Variants in IQCE observed in about 807,000 individuals in gnomAD.
The protein encoded by IQCE is IQ motif containing E, also known as IQ domain-containing protein E.
In IQCE, 115 loss-of-function variants were observed where a neutral mutation model predicts 96.0. The observed-to-expected ratio is 1.20, with a 90% confidence interval of 1.03 to 1.40. IQCE has a LOEUF of 1.40. Ranked by LOEUF, IQCE falls within the 40% of genes most tolerant of loss-of-function variation. The pLI, the probability that IQCE is intolerant of heterozygous loss-of-function variation, is 0.00. For missense variants in IQCE, 1,041 were observed against 909.1 expected (o/e 1.15, Z -1.87); for synonymous variants, 412 against 371.2 (o/e 1.11, Z -1.26).
At chr7:2,592,737 C>G (rs534829794) in intron 14 of IQCE, among the ~76,000 whole-genome samples, 50 of 152,360 alleles carry the variant, frequency 3.3e-4, no homozygotes, top group Non-Finnish European at 1.9e-4. Flanking sequence ...CAATGAGTGG[C>G]GGCTGGAGGG....
chr7:2,578,229 T>C lies in IQCE; in HGVS notation c.466-13T>C, dbSNP rs528022421. 4.4e-5 allele frequency: 71 copies of C among 1,603,754 alleles called. No individual in the cohort carries two copies. Among genetic ancestry groups the C allele is most frequent in the Non-Finnish European group, 6.1e-5 (71 of 1,170,984 alleles). ...TCGTGTGGATGGCTGTGCATGGCCC[T>C]TGTTTTCTTCAGTCATTGCACGTGC... On this transcript the variant is annotated splice_polypyrimidine_tract_variant and intron_variant, in intron 6 of 21. Coordinates refer to ENST00000402050, the MANE Select transcript of IQCE (RefSeq NM_152558.5).
At position 2,583,627 on chromosome 7, in the gene IQCE, G is replaced by A. The variant is rs764967551; in HGVS notation, c.702-10G>A. ...GCACATCCCTATTAACGCTGAACTT[G>A]GGTTTTCAGCAAACTCCAGACCGAT... On this transcript the variant is annotated splice_polypyrimidine_tract_variant and intron_variant, in intron 9 of 21. Coordinates refer to ENST00000402050, the MANE Select transcript of IQCE (RefSeq NM_152558.5). 3.8e-6 allele frequency: 6 copies of A among 1,591,266 alleles called. No homozygotes were observed. In the Admixed American group the frequency reaches 1.0e-4, roughly 27 times the overall value.
At position 2,610,273 on chromosome 7, in the gene IQCE, A is replaced by G. The variant is rs1212535576; in HGVS notation, c.*111A>G. On this transcript the variant is annotated 3_prime_UTR_variant, in exon 22 of 22. Transcript: ENST00000402050. ...AGAAGAACGATGATACCTACTTAACACCTCAGCATCTGCGTCGTGTCTCTT... is the reference window on the plus strand; with the variant it reads ...AGAAGAACGATGATACCTACTTAACGCCTCAGCATCTGCGTCGTGTCTCTT... 2.8e-6 allele frequency: 2 copies of G among 719,918 alleles called. No individual in the cohort carries two copies. The highest frequency in any genetic ancestry group is 5.1e-6 in the Non-Finnish European group (2 of 395,934). The allele number at this position is 719,918 out of a possible 1,614,324, so 44.6% of individuals were successfully genotyped here. A position where few individuals can be genotyped will look rare whatever the true frequency, so the allele number is the denominator to read the frequency against.
At chr7:2,583,752 T>G (rs1583447321) in intron 10 of IQCE, 43 bp downstream of exon 10, 1 of 641,246 alleles carries the variant, frequency 1.6e-6, no homozygotes, top group Non-Finnish European at 2.3e-6. Flanking sequence ...GGCACCGAGC[T>G]GGGCGGCGGG....
intron 2 of IQCE, among the ~76,000 whole-genome samples, chr7:2,568,018 G>A (rs2128432731): frequency 6.6e-6 from 1 of 152,332 alleles, no homozygotes; most frequent in Non-Finnish European, 1.5e-5. Flanking sequence ...CCTGGCCGCG[G>A]TAGCCTTATC....
intron 21 of IQCE, among the ~76,000 whole-genome samples, chr7:2,608,305 C>T (rs192799097): frequency 1.3e-5 from 2 of 152,302 alleles, no homozygotes; most frequent in African/African-American, 2.4e-5. Context: ...TTTTGAGGCC[C>T]GCATCAGACC....
chr7:2,574,106 C>T (rs979299807), intron 6 of IQCE, among the ~76,000 whole-genome samples: 5 of 152,258 alleles, frequency 3.3e-5, no homozygotes, highest in Non-Finnish European at 7.3e-5. Flanking sequence ...GTCATTGTCA[C>T]TGCCACCAGC....
At chr7:2,582,531 C>A in intron 8 of IQCE, 49 bp from the exon 9 acceptor site, 1 of 1,539,280 alleles carries the variant, frequency 6.5e-7, no homozygotes, top group Non-Finnish European at 9.0e-7. Flanking sequence ...GCCGCTTCTA[C>A]TGAGGGAGAG....
intron 1 of IQCE, among the ~76,000 whole-genome samples, chr7:2,561,068 C>T (rs1399641271): frequency 2.9e-5 from 3 of 102,482 alleles, no homozygotes; most frequent in Non-Finnish European, 5.6e-5. Flanking sequence ...AAGGATTCTC[C>T]TGCCTCAGCC....
chr7:2,601,531 T>A (rs1784433252), intron 18 of IQCE, 67 bp downstream of exon 18: 1 of 1,073,818 alleles, frequency 9.3e-7, no homozygotes, highest in Admixed American at 1.7e-5. Context: ...GGTGAGGGGA[T>A]ATTTAAAGAT....
At chr7:2,567,296 C>A in intron 2 of IQCE, 133 bp downstream of exon 2, 1 of 739,524 alleles carries the variant, frequency 1.4e-6, no homozygotes. Context: ...TCCGAATGCT[C>A]CTTGGTGTTT....
chr7:2,560,074 C>G (rs1462141159), intron 1 of IQCE, among the ~76,000 whole-genome samples: 1 of 152,102 alleles, frequency 6.6e-6, no homozygotes. Flanking sequence ...GTGGGAGGAT[C>G]GCTTGAGCCC....
At chr7:2,568,015 G>A (rs924855638) in intron 2 of IQCE, among the ~76,000 whole-genome samples, 6 of 152,208 alleles carry the variant, frequency 3.9e-5, no homozygotes, top group Non-Finnish European at 5.9e-5. Flanking sequence ...AGACCTGGCC[G>A]CGGTAGCCTT....
At chr7:2,601,161 A>C (rs1282279875) in intron 17 of IQCE, among the ~76,000 whole-genome samples, 2 of 152,246 alleles carry the variant, frequency 1.3e-5, no homozygotes, top group African/African-American at 2.4e-5. Context: ...CTGCACAGCC[A>C]GGGGACTGGC....
Position 2,563,893 on chromosome 7 carries a change from CAAAAAAA to C in IQCE, c.37-3206_37-3200del, listed in dbSNP as rs34269895. 1.0e-4 allele frequency among the ~76,000 whole-genome samples: 6 copies of C among 59,982 alleles called. No individual in the cohort carries two copies. The Admixed American group carries it at 1.2e-3, about 12-fold the overall frequency. 39.4% of individuals were successfully genotyped at this position (59,982 alleles called of 152,430 possible). A position where few individuals can be genotyped will look rare whatever the true frequency, so the allele number is the denominator to read the frequency against. On this transcript the variant is annotated intron_variant, in intron 1 of 21. Transcript: ENST00000402050. ...TGGGTGAGAGAGCGAGACTCCATCT[CAAAAAAA>C]AAAAAAAAAAAAAAAATTTCACTCA...
chr7:2,589,765 G>A, intron 13 of IQCE, 142 bp from the exon 14 acceptor site: 2 of 711,726 alleles, frequency 2.8e-6, no homozygotes, highest in South Asian at 1.7e-5. Flanking sequence ...CAGCTTCTCT[G>A]GGTAACTCGG....
chr7:2,559,081 G>C lies in IQCE; in HGVS notation c.-101G>C. The stretch of plus-strand genomic sequence containing the variant: ...CAGCGGGGTCGCGGGCCGGCGCCAG[G>C]GAAGGCCCCGAGGCTGCGGGCGGCC... On this transcript the variant is annotated 5_prime_UTR_variant, in exon 1 of 22. Coordinates refer to ENST00000402050, the MANE Select transcript of IQCE (RefSeq NM_152558.5). 1 of 658,212 alleles carries C rather than the reference G, an allele frequency of 1.5e-6. No homozygotes were observed. The highest frequency in any genetic ancestry group is 2.1e-6 in the Non-Finnish European group (1 of 475,886). The allele number at this position is 658,212 out of a possible 1,614,324, so 40.8% of individuals were successfully genotyped here. A position where few individuals can be genotyped will look rare whatever the true frequency, so the allele number is the denominator to read the frequency against.
At chr7:2,585,375 C>G (rs1783016487) in intron 11 of IQCE, among the ~76,000 whole-genome samples, 1 of 152,098 alleles carries the variant, frequency 6.6e-6, no homozygotes, top group Non-Finnish European at 1.5e-5. Flanking sequence ...AATGTATAAC[C>G]TGGCTAACAT....
At chr7:2,601,659 C>A (rs1043378222) in intron 18 of IQCE, 195 bp downstream of exon 18, 2 of 538,296 alleles carry the variant, frequency 3.7e-6, no homozygotes, top group African/African-American at 1.9e-5. Context: ...AAGCGATTCT[C>A]CTGCCTCAGC....
Sources: gnomAD v4.1 joint callset for allele counts (sites outside exome capture counted in the v4.1 genomes callset) on GRCh38, gnomAD v4.1.1 for gene constraint, MANE v1.5 for transcripts, NCBI Gene and HGNC (gene_info 2026-07-23, HGNC 2026-07-21) for gene names.